MBP: variants seen among roughly 807,000 people sequenced by gnomAD.
MBP encodes the protein myelin basic protein.
Under a neutral mutation model 35.8 loss-of-function variants are expected in MBP, and 16 were observed. That is an observed-to-expected ratio of 0.45 (90% CI 0.30 to 0.68). The LOEUF (loss-of-function observed/expected upper bound fraction) is 0.68, where lower values mean the gene tolerates loss of function less well. Among genes scored for constraint, MBP ranks in the 30% least tolerant of loss-of-function variants. MBP has a pLI of 0.08. For missense variants in MBP, 380 were observed against 404.7 expected, an observed-to-expected ratio of 0.94 and a Z score of 0.52; for synonymous variants, 143 against 159.6, an observed-to-expected ratio of 0.90 and a Z score of 0.78.
At chr18:77,070,856 C>G (rs970281402) in intron 2 of MBP, among the ~76,000 whole-genome samples, 2 of 152,174 alleles carry the variant, frequency 1.3e-5, no homozygotes, top group African/African-American at 2.4e-5. Flanking sequence ...CAGTCACAGC[C>G]AGGACGTCGG....
Position 76,980,283 on chromosome 18 carries a change from G to T in MBP, c.*144C>A. 1 of 804,724 alleles carries T rather than the reference G, an allele frequency of 1.2e-6. No individual in the cohort carries two copies. The highest frequency in any genetic ancestry group is 2.2e-6 in the Non-Finnish European group (1 of 447,660). The allele number at this position is 804,724 out of a possible 1,614,324, so 49.8% of individuals were successfully genotyped here. ...CGGAAATTGCCGGTAGGCTGCCGTG[G>T]CCTGACCCTACTACGTGCACAACTC... On this transcript the variant is annotated 3_prime_UTR_variant, in exon 9 of 9. Coordinates refer to ENST00000355994, the MANE Select transcript of MBP (RefSeq NM_001025101.2).
intron 3 of MBP, among the ~76,000 whole-genome samples, chr18:77,043,656 A>G (rs898019558): frequency 2.0e-5 from 3 of 152,202 alleles, no homozygotes; most frequent in Non-Finnish European, 4.4e-5. Flanking sequence ...ATCCCTAGAA[A>G]TGGCTTCATT....
At chr18:77,003,374 G>A (rs1207596603) in intron 4 of MBP, 1 of 152,160 alleles carries the variant, frequency 6.6e-6, no homozygotes, top group Non-Finnish European at 1.5e-5. Flanking sequence ...TCATTTCGAC[G>A]GTTTCAGCAG....
intron 1 of MBP, chr18:77,114,617 G>A (rs920689578): frequency 1.1e-4 from 16 of 152,266 alleles, no homozygotes; most frequent in African/African-American, 3.9e-4. Context: ...CTCTTGCTGT[G>A]TAAGTCCTGA....
At chr18:77,046,845 A>C (rs1973279249) in intron 3 of MBP, among the ~76,000 whole-genome samples, 1 of 152,160 alleles carries the variant, frequency 6.6e-6, no homozygotes, top group South Asian at 2.1e-4. Context: ...AGAGGAATTA[A>C]ATTTAAAGAC....
chr18:77,028,586 A>G (rs1234609751), intron 3 of MBP, among the ~76,000 whole-genome samples: 10 of 68,416 alleles, frequency 1.5e-4, no homozygotes, highest in African/African-American at 4.2e-4. Flanking sequence ...GGCGCCCCTC[A>G]CCTCCCGGAC....
At position 76,984,862 on chromosome 18, in the gene MBP, G is replaced by A. The variant is rs147953101; in HGVS notation, c.783C>T (p.Tyr261=). The A allele has an allele frequency of 2.5e-5, 40 of 1,613,834 alleles. No individual in the cohort carries two copies. The highest frequency in any genetic ancestry group is 1.4e-4 in the South Asian group (13 of 91,068). Residue 261 remains tyrosine, a synonymous_variant, in exon 8 of 9, where the codon TAC becomes TAT. Transcript: ENST00000355994. ...ATTTATAGTCGGACGCTCTGCCTCCGTAGCCAAATCCTGGTCTCTGGCCTT... is the reference window on the plus strand; with the variant it reads ...ATTTATAGTCGGACGCTCTGCCTCCATAGCCAAATCCTGGTCTCTGGCCTT... The part of the protein sequence containing the change: ...GAEGQRPGFG[Y]GGRASDYKSA...
intron 3 of MBP, among the ~76,000 whole-genome samples, chr18:77,025,596 C>G (rs1440082868): frequency 2.0e-5 from 3 of 152,020 alleles, no homozygotes; most frequent in Non-Finnish European, 4.4e-5. Context: ...AGGAAACTGT[C>G]CCACTCTCAT....
Position 76,980,072 on chromosome 18 carries a change from G to T in MBP, c.*355C>A, listed in dbSNP as rs1290614241. ...CAGTGACCAGCAAAAGCGCAAGGGT[G>T]CCGCAGCCACGGCGAAAAGAAAGTC... On this transcript the variant is annotated 3_prime_UTR_variant, in exon 9 of 9. Coordinates refer to ENST00000355994, the MANE Select transcript of MBP (RefSeq NM_001025101.2). 1 of 698,926 alleles carries T rather than the reference G, an allele frequency of 1.4e-6. No homozygotes were observed. Among genetic ancestry groups the T allele is most frequent in the African/African-American group, 1.8e-5 (1 of 56,876 alleles). 43.3% of individuals were successfully genotyped at this position (698,926 alleles called of 1,614,324 possible). A position where few individuals can be genotyped will look rare whatever the true frequency, so the allele number is the denominator to read the frequency against.
chr18:77,106,904 G>C (rs1004157293), intron 1 of MBP, among the ~76,000 whole-genome samples: 1 of 152,190 alleles, frequency 6.6e-6, no homozygotes, highest in Non-Finnish European at 1.5e-5. Flanking sequence ...TGGGAAATGA[G>C]GGTTTGTTGC....
At chr18:77,014,758 C>G (rs772998874) in intron 4 of MBP, 6 of 985,232 alleles carry the variant, frequency 6.1e-6, no homozygotes, top group Non-Finnish European at 7.2e-6. Context: ...TGCGCTCCCC[C>G]GGGATGCCTC....
chr18:77,019,315 G>GA (rs1277141551), intron 3 of MBP, among the ~76,000 whole-genome samples: 1 of 152,194 alleles, frequency 6.6e-6, no homozygotes, highest in Non-Finnish European at 1.5e-5. Flanking sequence ...GGAATCAAGT[G>GA]AAGATGAGGT....
chr18:77,075,139 A>G (rs1974602014), intron 2 of MBP, among the ~76,000 whole-genome samples: 1 of 152,224 alleles, frequency 6.6e-6, no homozygotes, highest in Admixed American at 6.5e-5. Flanking sequence ...CGGCAGGTGG[A>G]ATCACTGAAG....
Position 77,131,117 on chromosome 18 carries a change from ACACC to A in MBP, c.-26+1459_-26+1462del, listed in dbSNP as rs750700750. ...CACACACACACACACACACACACAC[ACACC>A]CCCTCTGCCGCGGTACCCTTCCCCT... On this transcript the variant is annotated intron_variant, in intron 1 of 8. Coordinates refer to ENST00000355994, the MANE Select transcript of MBP (RefSeq NM_001025101.2). The surrounding 1 kb of genome is among the most constrained non-coding windows in gnomAD (Gnocchi z 5.5). Among the ~76,000 whole-genome samples, 4,486 of 57,846 alleles carry A rather than the reference ACACC, an allele frequency of 0.078. 120 individuals are homozygous for A. Among genetic ancestry groups the A allele is most frequent in the African/African-American group, 0.1 (2,629 of 25,232 alleles). The allele number at this position is 57,846 out of a possible 152,430, so 37.9% of individuals were successfully genotyped here. A position where few individuals can be genotyped will look rare whatever the true frequency, so the allele number is the denominator to read the frequency against.
At position 76,996,625 on chromosome 18, in the gene MBP, G is replaced by T. The variant is rs115677130; in HGVS notation, c.577-6565C>A. 6.7e-3 allele frequency among the ~76,000 whole-genome samples: 1,022 copies of T among 152,156 alleles called. 13 individuals carry two copies. Among genetic ancestry groups the T allele is most frequent in the African/African-American group, 0.023 (963 of 41,484 alleles). ...TGAGTAAAAGCCGCCATTCTAAAAG[G>T]TTTCATACTGTGTGGTCTTATTTAT... On this transcript the variant is annotated intron_variant, in intron 4 of 8. Transcript: ENST00000355994.
chr18:77,129,835 G>A (rs1977180540), intron 1 of MBP, among the ~76,000 whole-genome samples: 1 of 152,122 alleles, frequency 6.6e-6, no homozygotes, highest in Admixed American at 6.5e-5. Flanking sequence ...TTTGAGACCA[G>A]CCTGGCCAAC....
chr18:77,038,736 CAT>C (rs1351039384), intron 3 of MBP, among the ~76,000 whole-genome samples: 2 of 152,164 alleles, frequency 1.3e-5, no homozygotes, highest in Non-Finnish European at 2.9e-5. Flanking sequence ...TATATGTACA[CAT>C]GTACGCATAT....
intron 2 of MBP, chr18:77,097,187 G>T (rs1367800965): frequency 6.6e-6 from 1 of 152,244 alleles, no homozygotes; most frequent in African/African-American, 2.4e-5. Flanking sequence ...TGATCCTTTG[G>T]ATAATCGTTC....
chr18:77,125,087 G>A (rs1977008366), intron 1 of MBP, among the ~76,000 whole-genome samples: 1 of 151,982 alleles, frequency 6.6e-6, no homozygotes, highest in Admixed American at 6.6e-5. Context: ...TATATTACTT[G>A]AACAAATGAC....
Sources: allele counts gnomAD v4.1 joint callset (sites outside exome capture counted in the v4.1 genomes callset), GRCh38; gene constraint gnomAD v4.1.1; non-coding constraint Gnocchi (gnomAD v3.1); transcripts MANE v1.5; gene names NCBI Gene and HGNC (gene_info 2026-07-23, HGNC 2026-07-21).